The following UNC79 variants were observed in gnomAD, a reference collection of about 807,000 sequenced individuals.
UNC79 encodes unc-79 subunit of NALCN channel complex, also known as protein unc-79 homolog.
A neutral mutation model predicts 283.1 loss-of-function variants in UNC79; 37 were observed. The observed-to-expected ratio is 0.13, with a 90% confidence interval of 0.10 to 0.17. UNC79 has a LOEUF of 0.17. Ranked by LOEUF, UNC79 falls within the 10% of genes least tolerant of loss-of-function variation. UNC79 has a pLI of 1.00. For missense variants in UNC79, 2,272 were observed against 3,211.1 expected (o/e 0.71, Z 7.07); for synonymous variants, 1,107 against 1,200.2 (o/e 0.92, Z 1.61).
intron 47 of UNC79, among the ~76,000 whole-genome samples, chr14:93,697,254 G>T (rs1420647567): frequency 6.6e-6 from 1 of 151,972 alleles, no homozygotes; most frequent in Non-Finnish European, 1.5e-5. Flanking sequence ...TCCTGCCTCA[G>T]CCTCCTGAAT....
intron 1 of UNC79, among the ~76,000 whole-genome samples, chr14:93,462,423 T>G (rs1255736862): frequency 6.6e-6 from 1 of 152,250 alleles, no homozygotes; most frequent in Non-Finnish European, 1.5e-5. Context: ...GATTTTGTCC[T>G]GAAGACAGTG....
exon 41 of UNC79, chr14:93,673,426 C>T (rs1044509742): frequency 2.5e-5 from 40 of 1,613,200 alleles, no homozygotes; most frequent in Non-Finnish European, 3.1e-5. Context: ...ATCTCCTTTA[C>T]CAGATACAAA....
intron 30 of UNC79, among the ~76,000 whole-genome samples, chr14:93,630,279 G>C (rs570774575): frequency 6.6e-6 from 1 of 152,306 alleles, no homozygotes; most frequent in African/African-American, 2.4e-5. Context: ...TTAAAGACAA[G>C]GTGCTCTGTA....
intron 1 of UNC79, among the ~76,000 whole-genome samples, chr14:93,437,003 A>G (rs1489987979): frequency 6.6e-6 from 1 of 152,118 alleles, no homozygotes; most frequent in South Asian, 2.1e-4. Flanking sequence ...CATTGGTCTC[A>G]GGAACTTGGT....
rs1211856763 is a variant in UNC79, at chr14:93,654,533, CAAAAG to C, written c.6282+513_6282+517del. 1.1e-4 allele frequency among the ~76,000 whole-genome samples: 17 copies of C among 148,204 alleles called. No homozygotes were observed. The South Asian group carries it at 3.5e-3, about 30-fold the overall frequency. ...TCGCAACGGAGCGAGACCCCCAACT[CAAAAG>C]AAAAATAATAGAAAATGCTAAAATT... is the stretch of plus-strand genomic sequence containing the variant. On this transcript the variant is annotated intron_variant, in intron 37 of 48. Coordinates refer to ENST00000555664, the Ensembl canonical transcript of UNC79.
intron 13 of UNC79, among the ~76,000 whole-genome samples, 165 bp from the exon 14 acceptor site, chr14:93,542,301 A>G (rs2061416745): frequency 6.6e-6 from 1 of 152,240 alleles, no homozygotes; most frequent in African/African-American, 2.4e-5. Flanking sequence ...CCCTGTAGAA[A>G]GGAACACAGT....
downstream of UNC79, chr14:93,706,928 C>T (rs2075918731): frequency 3.7e-6 from 6 of 1,613,154 alleles, no homozygotes; most frequent in East Asian, 2.2e-5. Flanking sequence ...CGCTCAGTGT[C>T]AACACTCTGG....
At chr14:93,368,867 CAA>C (rs1006921805) in intron 1 of UNC79, among the ~76,000 whole-genome samples, 6 of 152,186 alleles carry the variant, frequency 3.9e-5, no homozygotes, top group Admixed American at 1.3e-4. Flanking sequence ...GAACCTGAAA[CAA>C]AGACTGAAAG....
At chr14:93,674,735 G>T (rs1051141038) in intron 41 of UNC79, among the ~76,000 whole-genome samples, 4 of 152,192 alleles carry the variant, frequency 2.6e-5, no homozygotes, top group African/African-American at 9.6e-5. Flanking sequence ...GAACACTAAT[G>T]GAGGACCTAT....
At chr14:93,615,213 G>T (rs1413993670) in intron 27 of UNC79, among the ~76,000 whole-genome samples, 2 of 152,144 alleles carry the variant, frequency 1.3e-5, no homozygotes, top group African/African-American at 4.8e-5. Flanking sequence ...CTCAATAGAT[G>T]ATTGCTGTTA....
intron 45 of UNC79, chr14:93,691,195 G>T (rs2074666794): frequency 1.3e-5 from 2 of 158,588 alleles, no homozygotes; most frequent in Non-Finnish European, 2.8e-5. Flanking sequence ...ACGAGGGGAT[G>T]GTTGGAGAGT....
At chr14:93,566,027 C>A (rs1411343539) in intron 14 of UNC79, among the ~76,000 whole-genome samples, 1 of 151,934 alleles carries the variant, frequency 6.6e-6, no homozygotes, top group African/African-American at 2.4e-5. Context: ...GGAGGGAAAG[C>A]ATAGCTTAGA....
intron 1 of UNC79, among the ~76,000 whole-genome samples, chr14:93,460,459 A>C (rs10140069): frequency 1.1e-4 from 16 of 148,012 alleles, no homozygotes; most frequent in Non-Finnish European, 1.9e-4. Flanking sequence ...GCAGTGAGCC[A>C]AGATCGTGCC....
intron 7 of UNC79, among the ~76,000 whole-genome samples, chr14:93,508,855 TTTTC>T (rs569822836): frequency 6.6e-6 from 1 of 152,230 alleles, no homozygotes; most frequent in Non-Finnish European, 1.5e-5. Context: ...CTTATTGCTG[TTTTC>T]TTTCTTTGTT....
At chr14:93,539,452 C>G (rs1251822209) in intron 12 of UNC79, among the ~76,000 whole-genome samples, 2 of 151,208 alleles carry the variant, frequency 1.3e-5, no homozygotes, top group African/African-American at 4.8e-5. Context: ...ACCTGGGAGG[C>G]GGAGGTTGCA....
At chr14:93,656,376 A>G (rs569638314) in intron 38 of UNC79, among the ~76,000 whole-genome samples, 47 of 152,196 alleles carry the variant, frequency 3.1e-4, no homozygotes, top group African/African-American at 1.1e-3. Flanking sequence ...AGGCAGAGGT[A>G]GGGGGATCGC....
At chr14:93,428,994 G>A (rs909424273), upstream of UNC79, among the ~76,000 whole-genome samples, 14 of 152,162 alleles carry the variant, frequency 9.2e-5, no homozygotes, top group Admixed American at 5.2e-4. Context: ...AGCAGATAAA[G>A]GGATAATAGG....
intron 30 of UNC79, 141 bp downstream of exon 32, chr14:93,622,982 C>A: frequency 8.8e-7 from 1 of 1,130,812 alleles, no homozygotes; most frequent in Non-Finnish European, 1.2e-6. Flanking sequence ...CTCAATCACT[C>A]TGAATCCTTC....
At chr14:93,411,384 G>A (rs896552151) in intron 1 of UNC79, among the ~76,000 whole-genome samples, 1 of 152,194 alleles carries the variant, frequency 6.6e-6, no homozygotes, top group Non-Finnish European at 1.5e-5. Flanking sequence ...CTGCCCTGAA[G>A]GGAAGGACAG....
Sources: gnomAD v4.1 joint callset for allele counts (sites outside exome capture counted in the v4.1 genomes callset) on GRCh38, gnomAD v4.1.1 for gene constraint, MANE v1.5 for transcripts, NCBI Gene and HGNC (gene_info 2026-07-23, HGNC 2026-07-21) for gene names.